UNC13B: variants seen among roughly 807,000 people sequenced by gnomAD.
UNC13B encodes the protein protein unc-13 homolog B.
A neutral mutation model predicts 211.0 loss-of-function variants in UNC13B; 144 were observed. The observed-to-expected ratio is 0.68, with a 90% CI of 0.60 to 0.78. UNC13B has a LOEUF of 0.78. UNC13B is among the 30% of genes least tolerant of loss of function. The pLI is 0.00. For synonymous variants in UNC13B, 709 were observed against 725.8 expected, an observed-to-expected ratio of 0.98 and a Z score of 0.37; for missense variants, 1,777 against 2,002.0, an observed-to-expected ratio of 0.89 and a Z score of 2.14.
chr9:35,296,688 GTGT>G (rs1829376533), intron 8 of UNC13B, among the ~76,000 whole-genome samples: 1 of 152,108 alleles, frequency 6.6e-6, no homozygotes, highest in African/African-American at 2.4e-5. Flanking sequence ...TTTACCAGTT[GTGT>G]TAACATTTTA....
intron 11 of UNC13B, among the ~76,000 whole-genome samples, chr9:35,360,022 C>G (rs1833301680): frequency 6.6e-6 from 1 of 152,224 alleles, no homozygotes; most frequent in South Asian, 2.1e-4. Context: ...TGCTGTTTCT[C>G]CACACCAATT....
rs566195600 is a variant in UNC13B at position 35,184,833 on chromosome 9, G to A, written c.22+22528G>A. Among the ~76,000 whole-genome samples, 441 of 103,928 alleles carry A rather than the reference G, an allele frequency of 4.2e-3. 2 individuals carry two copies. The highest frequency in any genetic ancestry group is 0.016 in the African/African-American group (418 of 25,746). 68.2% of individuals were successfully genotyped at this position (103,928 alleles called of 152,430 possible). A position where few individuals can be genotyped will look rare whatever the true frequency, so the allele number is the denominator to read the frequency against. On this transcript the variant is annotated intron_variant, in intron 1 of 39. Transcript: ENST00000635942. ...GGGGGGGGAGAGAGAGAGAGAGAGA[G>A]GAGAAAGAAAGAAAGAAAAGAAAGA...
chr9:35,310,317 C>G, intron 9 of UNC13B, 150 bp from the exon 10 acceptor site: 1 of 800,554 alleles, frequency 1.2e-6, no homozygotes, highest in Non-Finnish European at 1.9e-6. Context: ...ACTAATTCTT[C>G]TAGATTATGA....
At chr9:35,183,426 T>C (rs13290189) in intron 1 of UNC13B, among the ~76,000 whole-genome samples, 2 of 56,904 alleles carry the variant, frequency 3.5e-5, no homozygotes, top group Admixed American at 1.7e-4. Context: ...ACCTCCCAGA[T>C]GAAGGGCGGC....
At chr9:35,393,717 G>A (rs1413615679) in intron 26 of UNC13B, among the ~76,000 whole-genome samples, 2 of 151,580 alleles carry the variant, frequency 1.3e-5, no homozygotes, top group Non-Finnish European at 2.9e-5. Flanking sequence ...GATTACAAGC[G>A]TGTGCCACCA....
intron 7 of UNC13B, among the ~76,000 whole-genome samples, chr9:35,269,231 G>T (rs1346478803): frequency 2.0e-5 from 3 of 152,162 alleles, no homozygotes; most frequent in Non-Finnish European, 4.4e-5. Context: ...TCAATAATTT[G>T]CTAGGATGGC....
At chr9:35,242,358 A>G (rs1825857485) in intron 5 of UNC13B, among the ~76,000 whole-genome samples, 1 of 152,154 alleles carries the variant, frequency 6.6e-6, no homozygotes, top group Admixed American at 6.6e-5. Context: ...CACTAGTGTT[A>G]AGTACATTCA....
chr9:35,277,894 A>G (rs546537541), intron 7 of UNC13B, among the ~76,000 whole-genome samples: 2 of 152,184 alleles, frequency 1.3e-5, no homozygotes, highest in South Asian at 2.1e-4. Context: ...CAGTAATACC[A>G]TGGAAAGAAG....
chr9:35,180,806 C>A (rs574541674), intron 1 of UNC13B, among the ~76,000 whole-genome samples: 2 of 151,936 alleles, frequency 1.3e-5, no homozygotes, highest in African/African-American at 4.8e-5. Flanking sequence ...GAAAAAGATA[C>A]AGAGTTTTGG....
intron 1 of UNC13B, among the ~76,000 whole-genome samples, chr9:35,222,668 G>A (rs2131465069): frequency 6.6e-6 from 1 of 152,260 alleles, no homozygotes; most frequent in South Asian, 2.1e-4. Context: ...GGGTATTTAG[G>A]ATATCCATCA....
chr9:35,171,458 G>T (rs1374806030), intron 1 of UNC13B, among the ~76,000 whole-genome samples: 2 of 152,210 alleles, frequency 1.3e-5, no homozygotes, highest in Non-Finnish European at 2.9e-5. Context: ...CTGGAGTGCA[G>T]TGATGTGATC....
intron 7 of UNC13B, among the ~76,000 whole-genome samples, chr9:35,286,999 A>G (rs1436456222): frequency 6.6e-6 from 1 of 152,106 alleles, no homozygotes; most frequent in African/African-American, 2.4e-5. Context: ...TCAGCCTCCC[A>G]TGTAGCTGGG....
intron 5 of UNC13B, among the ~76,000 whole-genome samples, chr9:35,242,593 T>C (rs1180310857): frequency 2.6e-5 from 4 of 152,226 alleles, no homozygotes; most frequent in Non-Finnish European, 4.4e-5. Flanking sequence ...TCAAAGTTTA[T>C]CCATGTTATG....
intron 1 of UNC13B, among the ~76,000 whole-genome samples, chr9:35,203,385 G>A (rs540166362): frequency 6.6e-6 from 1 of 152,318 alleles, no homozygotes; most frequent in African/African-American, 2.4e-5. Context: ...TTGTTTGTCT[G>A]TAAAGGATTT....
At position 35,303,379 on chromosome 9, in the gene UNC13B, A is replaced by C. The variant is rs1011966519; in HGVS notation, c.3975A>C (p.Ser1325=). ...HVLEAKLHEN[S]NKLNSPVLNT... is the part of the protein sequence containing the mutation. ...TTGAGGCAAAACTACATGAAAATTC[A>C]AACAAGTTAAATTCACCTGTACTAA... is the stretch of plus-strand genomic sequence containing the variant. Residue 1325 remains serine (S), a synonymous_variant, in exon 9 of 40, where the codon TCA becomes TCC. Transcript: ENST00000635942. 52 of 398,738 alleles carry C rather than the reference A, an allele frequency of 1.3e-4. 2 individuals carry two copies. In the South Asian group the frequency reaches 6.5e-3, roughly 50 times the overall value. The allele number at this position is 398,738 out of a possible 1,614,324, so 24.7% of individuals were successfully genotyped here.
At chr9:35,292,748 CT>C (rs1253407260) in intron 7 of UNC13B, among the ~76,000 whole-genome samples, 1 of 152,174 alleles carries the variant, frequency 6.6e-6, no homozygotes, top group African/African-American at 2.4e-5. Flanking sequence ...TGTTCCCAGC[CT>C]TTTAATTTTC....
At chr9:35,402,609 C>G (rs913322999) in intron 37 of UNC13B, among the ~76,000 whole-genome samples, 1 of 151,962 alleles carries the variant, frequency 6.6e-6, no homozygotes, top group African/African-American at 2.4e-5. Flanking sequence ...AGGGTGGGGT[C>G]TCTGCTAAGG....
intron 1 of UNC13B, among the ~76,000 whole-genome samples, chr9:35,166,062 T>A (rs1821021077): frequency 6.6e-6 from 1 of 150,768 alleles, no homozygotes; most frequent in Non-Finnish European, 1.5e-5. Flanking sequence ...TTAGATAATT[T>A]AACTATGGAT....
intron 11 of UNC13B, among the ~76,000 whole-genome samples, chr9:35,355,225 G>A (rs1280206760): frequency 6.6e-6 from 1 of 152,172 alleles, no homozygotes; most frequent in Non-Finnish European, 1.5e-5. Flanking sequence ...ATGTCTGCTT[G>A]TATATGTATA....
Sources: allele counts gnomAD v4.1 joint callset (sites outside exome capture counted in the v4.1 genomes callset), GRCh38; gene constraint gnomAD v4.1.1; transcripts MANE v1.5; gene names NCBI Gene and HGNC (gene_info 2026-07-23, HGNC 2026-07-21).